The following ZNF761 variants were observed in gnomAD, a reference collection of about 807,000 sequenced individuals.
The protein encoded by ZNF761 is zinc finger protein 761.
ZNF761 carries 43 observed loss-of-function variants against 59.9 expected under a neutral mutation model. The ratio of observed to expected loss-of-function variants is 0.72; its 90% confidence interval spans 0.56 to 0.92. The LOEUF (loss-of-function observed/expected upper bound fraction) is 0.92, where lower values mean the gene tolerates loss of function less well. ZNF761 is among the 40% of genes least tolerant of loss of function. The probability of loss-of-function intolerance (pLI) is 0.00; values close to 1 mark genes in which losing one functional copy is unlikely to be tolerated. For missense variants in ZNF761, 850 were observed against 906.1 expected (o/e 0.94, Z 0.79); for synonymous variants, 294 against 304.8 (o/e 0.96, Z 0.37).
chr19:53,446,858 G>A (rs1294115276), intron 2 of ZNF761, among the ~76,000 whole-genome samples: 1 of 152,282 alleles, frequency 6.6e-6, no homozygotes, highest in Non-Finnish European at 1.5e-5. Flanking sequence ...CTGAGCTCAA[G>A]AGATCTATCT....
Position 53,457,894 on chromosome 19 carries a change from G to A in ZNF761, c.*1146G>A, listed in dbSNP as rs1216908023. The A allele has an allele frequency of 6.6e-6, 1 of 152,562 alleles. No homozygotes were observed. Among genetic ancestry groups the A allele is most frequent in the Non-Finnish European group, 1.5e-5 (1 of 68,286 alleles). 9.5% of individuals were successfully genotyped at this position (152,562 alleles called of 1,614,324 possible). A position where few individuals can be genotyped will look rare whatever the true frequency, so the allele number is the denominator to read the frequency against. On this transcript the variant is annotated 3_prime_UTR_variant, in exon 5 of 5. Coordinates refer to ENST00000684525, the MANE Select transcript of ZNF761 (RefSeq NM_001289951.2). ...TATCATGTTGAATCTAAATCACATTGGGTTATTATATAATCATTTCACAAT... is the reference window on the plus strand; with the variant it reads ...TATCATGTTGAATCTAAATCACATTAGGTTATTATATAATCATTTCACAAT...
rs201010199 is a variant in ZNF761, at chr19:53,455,988, A to G, written c.1481A>G (p.Tyr494Cys). Residue 494 changes from tyrosine (Y) to cysteine (C), a missense_variant, in exon 5 of 5, where the codon TAC becomes TGC. Physicochemically the swap from Tyr to Cys is radical, Grantham distance 194. Transcript: ENST00000684525. ...HRRIHTGEKPYKCNECGKTFS... is the reference protein window; with the variant it reads ...HRRIHTGEKPCKCNECGKTFS... The stretch of plus-strand genomic sequence containing the variant: ...AGAATTCATACTGGAGAGAAACCAT[A>G]CAAGTGTAATGAGTGTGGCAAGACC... 11 of 1,613,856 alleles carry G rather than the reference A, an allele frequency of 6.8e-6. No individual in the cohort carries two copies. The African/African-American group carries it at 9.3e-5, about 14-fold the overall frequency.
In ZNF761 at chr19:53,456,326, A is replaced by G; in HGVS notation, c.1819A>G (p.Lys607Glu). 3 of 1,611,178 alleles carry G rather than the reference A, an allele frequency of 1.9e-6. No homozygotes were observed. Among genetic ancestry groups the G allele is most frequent in the Non-Finnish European group, 2.5e-6 (3 of 1,177,896 alleles). Residue 607 changes from lysine to glutamate, a missense_variant, in exon 5 of 5, where the codon AAG (lysine) becomes GAG (glutamate). Physicochemically the swap from Lys to Glu is moderately conservative, Grantham distance 56. Coordinates refer to ENST00000684525, the MANE Select transcript of ZNF761 (RefSeq NM_001289951.2). ...AATTCATACTGAAGAGAATCCTTACAAGTGTAATGAGTGTGGCAAGACCTT... is the reference window on the plus strand; with the variant it reads ...AATTCATACTGAAGAGAATCCTTACGAGTGTAATGAGTGTGGCAAGACCTT... ...QKIHTEENPY[K>E]CNECGKTFSR...
chr19:53,441,802 G>A (rs2086103678), intron 1 of ZNF761: 1 of 1,146,868 alleles, frequency 8.7e-7, no homozygotes, highest in Non-Finnish European at 1.3e-6. Context: ...ACAGAGAGGA[G>A]TCTGCAATGC....
rs1042499212 is a variant in ZNF761 at position 53,438,684 on chromosome 19, G to A, written c.-185+6656G>A. Among the ~76,000 whole-genome samples the A allele has an allele frequency of 4.6e-5, 7 of 152,126 alleles. No homozygotes were observed. In the East Asian group the frequency reaches 5.8e-4, roughly 13 times the overall value. On this transcript the variant is annotated intron_variant, in intron 1 of 4. Coordinates refer to ENST00000684525, the MANE Select transcript of ZNF761 (RefSeq NM_001289951.2). ...CGTCTAAAAATTCCTATTTGTCATC[G>A]GGTAGTCGGAGTTAGAAGTGCACAA...
Position 53,454,805 on chromosome 19 carries a change from C to G in ZNF761, c.298C>G (p.Gln100Glu). ...VDKDIHDYEF[Q>E]WQEDERNGHE... ...TAAAGATATTCATGACTATGAATTT[C>G]AATGGCAAGAAGATGAAAGAAATGG... The change falls in exon 5 of 5, where the codon CAA becomes GAA. Residue 100 changes from glutamine (Q) to glutamate (E), a missense_variant. Transcript: ENST00000684525. 1 of 1,614,022 alleles carries G rather than the reference C, an allele frequency of 6.2e-7. No individual in the cohort carries two copies. Among genetic ancestry groups the G allele is most frequent in the Non-Finnish European group, 8.5e-7 (1 of 1,180,022 alleles).
At chr19:53,432,569 C>T (rs1244830423) in intron 1 of ZNF761, among the ~76,000 whole-genome samples, 3 of 152,162 alleles carry the variant, frequency 2.0e-5, no homozygotes, top group Non-Finnish European at 4.4e-5. Flanking sequence ...TCCTGTGACG[C>T]GGGGTGTTAC....
In ZNF761 at chr19:53,455,674, G is replaced by C; in HGVS notation, c.1167G>C (p.Lys389Asn). 2.5e-6 allele frequency: 4 copies of C among 1,612,780 alleles called. No individual in the cohort carries two copies. The highest frequency in any genetic ancestry group is 3.4e-6 in the Non-Finnish European group (4 of 1,179,858). The change falls in exon 5 of 5, where the codon AAG (lysine) becomes AAC (asparagine). Residue 389 changes from lysine (K) to asparagine (N), a missense_variant. Coordinates refer to ENST00000684525, the MANE Select transcript of ZNF761 (RefSeq NM_001289951.2). ...CCTACAAATGTAATGAGTGTGGCAA[G>C]ACCTTTAGTCACAAGTCATCCCTTA... ...EKPYKCNECG[K>N]TFSHKSSLTC...
At chr19:53,433,091 G>A (rs187832632) in intron 1 of ZNF761, among the ~76,000 whole-genome samples, 3 of 151,434 alleles carry the variant, frequency 2.0e-5, no homozygotes, top group Non-Finnish European at 2.9e-5. Flanking sequence ...GAGCAAAGGA[G>A]GCGCAGAGAT....
In ZNF761 at chr19:53,456,829, G is replaced by T; in HGVS notation, c.*81G>T. On this transcript the variant is annotated 3_prime_UTR_variant, in exon 5 of 5. Coordinates refer to ENST00000684525, the MANE Select transcript of ZNF761 (RefSeq NM_001289951.2). Reference sequence around the variant, plus strand: ...CATACTGGGGAGAAACCTTAGAAATGTGAAGCATGTGATAAAGTTTACAGT... The same window carrying T: ...CATACTGGGGAGAAACCTTAGAAATTTGAAGCATGTGATAAAGTTTACAGT... 3.4e-6 allele frequency: 5 copies of T among 1,458,838 alleles called. No homozygotes were observed. The highest frequency in any genetic ancestry group is 4.7e-6 in the Non-Finnish European group (5 of 1,054,106). The allele number at this position is 1,458,838 out of a possible 1,614,324, so 90.4% of individuals were successfully genotyped here. A position where few individuals can be genotyped will look rare whatever the true frequency, so the allele number is the denominator to read the frequency against.
chr19:53,433,511 C>T (rs1256093660), intron 1 of ZNF761, among the ~76,000 whole-genome samples: 1 of 87,934 alleles, frequency 1.1e-5, no homozygotes, highest in South Asian at 3.6e-4. Flanking sequence ...TTCTTTTTAA[C>T]CCTTGCCTTG....
intron 1 of ZNF761, among the ~76,000 whole-genome samples, chr19:53,445,901 A>T (rs2617742): frequency 0.85 from 129,892 of 152,096 alleles, 55,612 homozygotes; most frequent in South Asian, 0.91. Context: ...CAGCCCTGTG[A>T]CCAGGGCCCC....
chr19:53,439,367 G>T (rs535214128), intron 1 of ZNF761, among the ~76,000 whole-genome samples: 1 of 151,830 alleles, frequency 6.6e-6, no homozygotes. Flanking sequence ...GTGCACTGGC[G>T]TGGTCTCGGC....
chr19:53,437,045 C>T (rs1416085687), intron 1 of ZNF761, among the ~76,000 whole-genome samples: 1 of 152,116 alleles, frequency 6.6e-6, no homozygotes, highest in African/African-American at 2.4e-5. Flanking sequence ...TGACCCAGCG[C>T]AGTGGCTCAT....
At chr19:53,436,496 G>A (rs1261226547) in intron 1 of ZNF761, among the ~76,000 whole-genome samples, 2 of 152,158 alleles carry the variant, frequency 1.3e-5, no homozygotes, top group East Asian at 1.9e-4. Context: ...TGGTGGGGGT[G>A]CACCTGACTT....
chr19:53,434,288 T>C, intron 1 of ZNF761, among the ~76,000 whole-genome samples: 2 of 152,350 alleles, frequency 1.3e-5, no homozygotes, highest in Admixed American at 1.3e-4. Flanking sequence ...ATATATCTTT[T>C]GTTTTTTTCT....
In ZNF761 at chr19:53,458,245, TA is replaced by T. The variant is rs1158520384; in HGVS notation, c.*1498del. 1 of 169,406 alleles carries T rather than the reference TA, an allele frequency of 5.9e-6. No homozygotes were observed. The highest frequency in any genetic ancestry group is 2.4e-5 in the African/African-American group (1 of 41,628). 10.5% of individuals were successfully genotyped at this position (169,406 alleles called of 1,614,324 possible). On this transcript the variant is annotated 3_prime_UTR_variant, in exon 5 of 5. Transcript: ENST00000684525. ...TGTCATCTACAAACAAATATAATTT[TA>T]CTTCTTACTTTCTGATTTGGATGAG...
intron 1 of ZNF761, among the ~76,000 whole-genome samples, chr19:53,435,118 C>A (rs768467484): frequency 5.9e-5 from 9 of 151,886 alleles, no homozygotes; most frequent in Non-Finnish European, 1.2e-4. Flanking sequence ...AATAGGCCAT[C>A]GGTAAAAGGG....
At chr19:53,450,644 G>C (rs1156258500) in intron 4 of ZNF761, among the ~76,000 whole-genome samples, 3 of 151,676 alleles carry the variant, frequency 2.0e-5, no homozygotes, top group African/African-American at 4.8e-5. Context: ...TCACTCTGTC[G>C]CCAAGGCTAC....
Sources: allele counts gnomAD v4.1 joint callset (sites outside exome capture counted in the v4.1 genomes callset), GRCh38; gene constraint gnomAD v4.1.1; transcripts MANE v1.5; gene names NCBI Gene and HGNC (gene_info 2026-07-23, HGNC 2026-07-21).